Variants in OR1J2 observed in about 807,000 individuals in gnomAD.
OR1J2 encodes olfactory receptor 1J2.
For missense variants in OR1J2, 304 were observed against 246.1 expected, an observed-to-expected ratio of 1.24 and a Z score of -1.57; for synonymous variants, 142 against 99.7, an observed-to-expected ratio of 1.42 and a Z score of -2.52.
At chr9:122,526,246 G>C in the OR1J2 span, 1 of 521,952 alleles carries the variant, frequency 1.9e-6, no homozygotes, top group Admixed American at 3.6e-5. Context: ...GCTCAGAGAG[G>C]CTAAGTAACC....
the OR1J2 span, among the ~76,000 whole-genome samples, chr9:122,487,449 G>A: frequency 1.3e-4 from 16 of 125,290 alleles, no homozygotes; most frequent in East Asian, 3.6e-3. Flanking sequence ...GATTTTGGAG[G>A]AGATGATTAA....
chr9:122,556,599 A>G, the OR1J2 span, among the ~76,000 whole-genome samples: 2 of 152,144 alleles, frequency 1.3e-5, no homozygotes, highest in Non-Finnish European at 2.9e-5. Flanking sequence ...ACAGGTTGAA[A>G]GGTGCAGCAA....
At chr9:122,498,494 T>G in the OR1J2 span, among the ~76,000 whole-genome samples, 4 of 152,206 alleles carry the variant, frequency 2.6e-5, no homozygotes, top group Non-Finnish European at 5.9e-5. Context: ...TCCGACTGAT[T>G]TCTTTCTAAG....
At chr9:122,568,159 C>T in the OR1J2 span, 1 of 1,614,124 alleles carries the variant, frequency 6.2e-7, no homozygotes, top group South Asian at 1.1e-5. Flanking sequence ...TTGCCCAAGG[C>T]ATAGAGAAAA....
the OR1J2 span, among the ~76,000 whole-genome samples, chr9:122,523,459 C>T: frequency 2.6e-5 from 4 of 152,028 alleles, no homozygotes; most frequent in Non-Finnish European, 5.9e-5. Flanking sequence ...AAAGATTACT[C>T]GGGTAACCAA....
chr9:122,492,148 C>T, the OR1J2 span, among the ~76,000 whole-genome samples: 2 of 151,872 alleles, frequency 1.3e-5, no homozygotes, highest in Non-Finnish European at 2.9e-5. Flanking sequence ...ACTGTTGCCT[C>T]CTCCCTCCCT....
the OR1J2 span, chr9:122,477,177 G>T: frequency 6.2e-7 from 1 of 1,613,624 alleles, no homozygotes; most frequent in Non-Finnish European, 8.5e-7. Context: ...TCCGATAATA[G>T]ATAGTCACCA....
the OR1J2 span, chr9:122,554,277 A>T: frequency 2.8e-6 from 2 of 712,026 alleles, no homozygotes; most frequent in Non-Finnish European, 4.5e-6. Context: ...GTTGACTCTG[A>T]GTTAGGGATG....
At chr9:122,568,251 GT>G in the OR1J2 span, 2 of 1,614,042 alleles carry the variant, frequency 1.2e-6, no homozygotes, top group Non-Finnish European at 1.7e-6. Flanking sequence ...GACAACGCTT[GT>G]TGTAAAGCAA....
the OR1J2 span, among the ~76,000 whole-genome samples, chr9:122,542,806 A>G: frequency 6.6e-6 from 1 of 152,236 alleles, no homozygotes; most frequent in East Asian, 1.9e-4. Flanking sequence ...GCGGCCAGCC[A>G]TCTGAATTCT....
the OR1J2 span, among the ~76,000 whole-genome samples, chr9:122,453,028 CAAAAAAAAA>C: frequency 6.4e-5 from 6 of 93,462 alleles, no homozygotes; most frequent in Admixed American, 1.2e-4. Flanking sequence ...AGCTTCGTCT[CAAAAAAAAA>C]AAAAAAAAAA....
the OR1J2 span, among the ~76,000 whole-genome samples, chr9:122,531,682 C>T: frequency 6.6e-6 from 1 of 152,190 alleles, no homozygotes; most frequent in Non-Finnish European, 1.5e-5. Flanking sequence ...TCTGTTCTAC[C>T]TTTCCTGAAG....
At chr9:122,556,659 A>G in the OR1J2 span, among the ~76,000 whole-genome samples, 1 of 152,156 alleles carries the variant, frequency 6.6e-6, no homozygotes, top group Admixed American at 6.5e-5. Context: ...CATTCTGCAC[A>G]TGTATCCCAG....
the OR1J2 span, among the ~76,000 whole-genome samples, chr9:122,521,593 T>C: frequency 6.6e-6 from 1 of 152,190 alleles, no homozygotes; most frequent in African/African-American, 2.4e-5. Flanking sequence ...GTCACTTTGT[T>C]TACAGGCTTA....
the OR1J2 span, among the ~76,000 whole-genome samples, chr9:122,534,221 C>A: frequency 3.4e-4 from 51 of 151,668 alleles, no homozygotes; most frequent in African/African-American, 1.1e-3. Context: ...GAATTGTATA[C>A]CTTGAAGGGG....
At chr9:122,545,741 T>C in the OR1J2 span, among the ~76,000 whole-genome samples, 1 of 152,198 alleles carries the variant, frequency 6.6e-6, no homozygotes, top group Non-Finnish European at 1.5e-5. Flanking sequence ...CCCAGAATTC[T>C]ACTTCTATAT....
chr9:122,464,100 T>C, the OR1J2 span, among the ~76,000 whole-genome samples: 1 of 152,156 alleles, frequency 6.6e-6, no homozygotes, highest in Non-Finnish European at 1.5e-5. Context: ...GGCTCGCCTT[T>C]GGTGAGGCTT....
chr9:122,566,205 T>C, the OR1J2 span, among the ~76,000 whole-genome samples: 290 of 152,384 alleles, frequency 1.9e-3, no homozygotes, highest in Admixed American at 5.2e-3. Context: ...ATCGTGTTTT[T>C]AGATATGCAT....
In OR1J2 at chr9:122,511,223, G is replaced by C. The variant is rs1345995510; in HGVS notation, c.422G>C (p.Cys141Ser). 1.3e-6 allele frequency: 1 copy of C among 752,328 alleles called. No individual in the cohort carries two copies. The highest frequency in any genetic ancestry group is 2.5e-6 in the Non-Finnish European group (1 of 405,602). The allele number at this position is 752,328 out of a possible 1,614,324, so 46.6% of individuals were successfully genotyped here. The change falls in exon 1 of 1, where the codon TGT becomes TCT. Residue 141 changes from cysteine (C) to serine (S), a missense_variant. Cys to Ser is a moderately radical substitution (Grantham distance 112). Transcript: ENST00000335302. ...HYTVIMREEL[C>S]VFLVAVSWIL... Reference sequence around the variant, plus strand: ...ACTGTCATCATGAGGGAAGAGCTCTGTGTCTTCTTAGTGGCTGTATCTTGG... The same window carrying C: ...ACTGTCATCATGAGGGAAGAGCTCTCTGTCTTCTTAGTGGCTGTATCTTGG...
Sources: allele counts gnomAD v4.1 joint callset (sites outside exome capture counted in the v4.1 genomes callset), GRCh38; gene constraint gnomAD v4.1.1; transcripts MANE v1.5; gene names NCBI Gene and HGNC (gene_info 2026-07-23, HGNC 2026-07-21).